Variants in ZFPM2 observed in about 807,000 individuals in gnomAD.
The protein encoded by ZFPM2 is zinc finger protein ZFPM2.
A neutral mutation model predicts 98.6 loss-of-function variants in ZFPM2; 20 were observed. The observed-to-expected ratio is 0.20, with a 90% CI of 0.14 to 0.29. The LOEUF (loss-of-function observed/expected upper bound fraction) is 0.29. Ranked by LOEUF, ZFPM2 falls within the 10% of genes least tolerant of loss-of-function variation. The probability of loss-of-function intolerance (pLI) is 1.00; values close to 1 mark genes in which losing one functional copy is unlikely to be tolerated. For synonymous variants in ZFPM2, 518 were observed against 502.7 expected (o/e 1.03, Z -0.41); for missense variants, 1,310 against 1,388.6 (o/e 0.94, Z 0.90).
intron 3 of ZFPM2, among the ~76,000 whole-genome samples, chr8:105,519,239 T>A (rs1465263277): frequency 6.6e-5 from 10 of 152,150 alleles, no homozygotes; most frequent in African/African-American, 2.2e-4. Flanking sequence ...TAAGTTATTA[T>A]GCTATGGTGT....
intron 2 of ZFPM2, among the ~76,000 whole-genome samples, chr8:105,441,806 T>C (rs1350074657): frequency 1.3e-5 from 2 of 152,114 alleles, no homozygotes; most frequent in Non-Finnish European, 2.9e-5. Context: ...CACCAGGCTT[T>C]CATCACATAG....
intron 1 of ZFPM2, among the ~76,000 whole-genome samples, chr8:105,358,285 G>T (rs761254955): frequency 6.7e-6 from 1 of 149,812 alleles, no homozygotes; most frequent in African/African-American, 2.5e-5. Flanking sequence ...GTGGAGTCTT[G>T]CTCTGTCGCC....
chr8:105,710,092 C>A, intron 5 of ZFPM2, among the ~76,000 whole-genome samples: 1 of 143,112 alleles, frequency 7.0e-6, no homozygotes, highest in Admixed American at 7.0e-5. Context: ...TAGTCTGATC[C>A]TTTTTTTTTT....
At chr8:105,489,437 GAT>G (rs1287011949) in intron 3 of ZFPM2, among the ~76,000 whole-genome samples, 2 of 134,476 alleles carry the variant, frequency 1.5e-5, no homozygotes, top group African/African-American at 6.0e-5. Flanking sequence ...TATATTTATA[GAT>G]ATATGTTTTT....
intron 4 of ZFPM2, among the ~76,000 whole-genome samples, chr8:105,594,195 C>G (rs1815914460): frequency 6.6e-6 from 1 of 152,076 alleles, no homozygotes; most frequent in Non-Finnish European, 1.5e-5. Flanking sequence ...CTCTTGACTT[C>G]CAGCTAACTT....
Position 105,521,132 on chromosome 8 carries a change from TACACAC to T in ZFPM2, c.302-40215_302-40210del, listed in dbSNP as rs10532108. On this transcript the variant is annotated intron_variant, in intron 3 of 7. Coordinates refer to ENST00000407775, the MANE Select transcript of ZFPM2 (RefSeq NM_012082.4). ...ATTTGTGTATGTGTGTATATATATATACACACACACACACACACACAAACACACACA... is the reference window on the plus strand; with the variant it reads ...ATTTGTGTATGTGTGTATATATATATACACACACACACACAAACACACACA... 4.1e-3 allele frequency among the ~76,000 whole-genome samples: 612 copies of T among 148,630 alleles called. 4 individuals carry two copies. The highest frequency in any genetic ancestry group is 0.014 in the African/African-American group (562 of 40,398).
intron 2 of ZFPM2, 75 bp from the exon 3 acceptor site, chr8:105,444,205 C>A (rs1345458899): frequency 7.2e-6 from 8 of 1,107,058 alleles, no homozygotes; most frequent in Non-Finnish European, 1.1e-5. Context: ...ATAAGGACAT[C>A]CCTTTATGAG....
chr8:105,404,881 A>C (rs1382626720), intron 1 of ZFPM2, among the ~76,000 whole-genome samples: 1 of 152,074 alleles, frequency 6.6e-6, no homozygotes, highest in Non-Finnish European at 1.5e-5. Flanking sequence ...AAACAAATCC[A>C]AAAATACAGA....
intron 3 of ZFPM2, among the ~76,000 whole-genome samples, chr8:105,489,466 A>ATATATATATATATATATATATATATATAT (rs1554610604): frequency 1.3e-4 from 15 of 119,756 alleles, no homozygotes; most frequent in African/African-American, 5.1e-4. Flanking sequence ...ATATATATAT[A>ATATATATATATATATATATATATATATAT]TTTTTTTTTT....
rs141123318 is a variant in ZFPM2, at chr8:105,505,298, AGTATTAATAGCACTTT to A, written c.302-56062_302-56047del. On this transcript the variant is annotated intron_variant, in intron 3 of 7. Coordinates refer to ENST00000407775, the MANE Select transcript of ZFPM2 (RefSeq NM_012082.4). ...GGTTACTAGTACTACTAGTAGTAAT[AGTATTAATAGCACTTT>A]GTTACTGTAAAAAGACCAGCAATAG... Among the ~76,000 whole-genome samples, 66 of 152,308 alleles carry A rather than the reference AGTATTAATAGCACTTT, an allele frequency of 4.3e-4. No homozygotes were observed. In the East Asian group the frequency reaches 0.012, roughly 28 times the overall value.
intron 5 of ZFPM2, among the ~76,000 whole-genome samples, chr8:105,667,820 A>G (rs1465855381): frequency 1.3e-5 from 2 of 152,234 alleles, no homozygotes; most frequent in Non-Finnish European, 2.9e-5. Context: ...TTTTATTTGT[A>G]TTAAAATGCC....
intron 3 of ZFPM2, among the ~76,000 whole-genome samples, chr8:105,529,423 G>GTACATTATTATACATTATTA (rs1814246420): frequency 6.6e-6 from 1 of 151,992 alleles, no homozygotes; most frequent in Non-Finnish European, 1.5e-5. Context: ...TATACTATAT[G>GTACATTATTATACATTATTA]TACATTATTA....
chr8:105,504,971 T>A (rs1295816602), intron 3 of ZFPM2, among the ~76,000 whole-genome samples: 3 of 152,178 alleles, frequency 2.0e-5, no homozygotes, highest in Non-Finnish European at 4.4e-5. Context: ...ATTACCAGTT[T>A]TTTTCTGAAA....
intron 3 of ZFPM2, among the ~76,000 whole-genome samples, chr8:105,480,794 A>T (rs1296920615): frequency 2.0e-5 from 3 of 146,964 alleles, no homozygotes; most frequent in Non-Finnish European, 4.5e-5. Flanking sequence ...TCTGCCTCCC[A>T]GTCTGGAGTA....
intron 1 of ZFPM2, among the ~76,000 whole-genome samples, chr8:105,399,853 C>T (rs1186734104): frequency 6.6e-6 from 1 of 152,076 alleles, no homozygotes; most frequent in Admixed American, 6.6e-5. Context: ...GCAACCTGTG[C>T]CTCCTGGGTT....
At chr8:105,384,481 CTG>C (rs1324346839) in intron 1 of ZFPM2, among the ~76,000 whole-genome samples, 1 of 151,926 alleles carries the variant, frequency 6.6e-6, no homozygotes, top group Non-Finnish European at 1.5e-5. Flanking sequence ...CAAATGGGAA[CTG>C]TGTTTTTTTC....
intron 1 of ZFPM2, among the ~76,000 whole-genome samples, chr8:105,379,727 T>G (rs1255997239): frequency 6.9e-6 from 1 of 145,320 alleles, no homozygotes; most frequent in African/African-American, 2.6e-5. Context: ...CGCTCCAGCC[T>G]GGGTAACAAG....
At chr8:105,543,456 A>G (rs1814624163) in intron 3 of ZFPM2, among the ~76,000 whole-genome samples, 1 of 152,154 alleles carries the variant, frequency 6.6e-6, no homozygotes, top group Non-Finnish European at 1.5e-5. Flanking sequence ...AGAATCATAA[A>G]TTTAGTATCC....
At chr8:105,754,348 AT>A (rs1812547057) in intron 5 of ZFPM2, among the ~76,000 whole-genome samples, 1 of 152,152 alleles carries the variant, frequency 6.6e-6, no homozygotes, top group Admixed American at 6.5e-5. Context: ...TTTACAAAGA[AT>A]TTTTTATGTC....
Sources: allele counts gnomAD v4.1 joint callset (sites outside exome capture counted in the v4.1 genomes callset), GRCh38; gene constraint gnomAD v4.1.1; transcripts MANE v1.5; gene names NCBI Gene and HGNC (gene_info 2026-07-23, HGNC 2026-07-21).